EPB41L5: variants seen among roughly 807,000 people sequenced by gnomAD.
EPB41L5 encodes band 4.1-like protein 5.
Under a neutral mutation model 106.6 loss-of-function variants are expected in EPB41L5, and 55 were observed. That is an observed-to-expected ratio of 0.52 (90% CI 0.42 to 0.65). The LOEUF (loss-of-function observed/expected upper bound fraction) is 0.65. EPB41L5 is among the 30% of genes least tolerant of loss of function. The probability of loss-of-function intolerance (pLI) is 0.00; values close to 1 mark genes in which losing one functional copy is unlikely to be tolerated. For missense variants in EPB41L5, 871 were observed against 882.1 expected (o/e 0.99, Z 0.16); for synonymous variants, 297 against 306.7 (o/e 0.97, Z 0.33).
intron 21 of EPB41L5, among the ~76,000 whole-genome samples, chr2:120,163,338 T>C (rs1687223828): frequency 1.3e-5 from 2 of 149,934 alleles, no homozygotes; most frequent in Admixed American, 6.6e-5. Context: ...TAGGTTCCTA[T>C]TGTTTATTGC....
chr2:120,076,185 C>T (rs145773099), intron 7 of EPB41L5, among the ~76,000 whole-genome samples: 62 of 152,272 alleles, frequency 4.1e-4, no homozygotes, highest in African/African-American at 1.4e-3. Flanking sequence ...GCTGCTTTCT[C>T]CCCCCGATTT....
chr2:120,132,111 A>G (rs147489437), intron 18 of EPB41L5, among the ~76,000 whole-genome samples: 21 of 152,316 alleles, frequency 1.4e-4, no homozygotes, highest in Non-Finnish European at 2.4e-4. Context: ...AACTTCATCT[A>G]TCATTCCTTT....
chr2:120,094,868 ATTT>A (rs549976484), intron 14 of EPB41L5, among the ~76,000 whole-genome samples: 139 of 151,982 alleles, frequency 9.1e-4, no homozygotes, highest in South Asian at 1.7e-3. Flanking sequence ...TCAAAATTTT[ATTT>A]TTTTCTAATT....
In EPB41L5 at chr2:120,029,658, G is replaced by C. The variant is rs77808107; in HGVS notation, c.180+10394G>C. 2.8e-3 allele frequency among the ~76,000 whole-genome samples: 431 copies of C among 152,194 alleles called. 10 individuals are homozygous for C. The East Asian group carries it at 0.075, about 27-fold the overall frequency. ...CTAAATCCTAAATTTTTTGTGGACT[G>C]TAAGTCCCCAAACTAATGCTTTCAG... On this transcript the variant is annotated intron_variant, in intron 2 of 24. Transcript: ENST00000263713.
chr2:120,139,194 TAAATC>T (rs1187668024), intron 18 of EPB41L5, among the ~76,000 whole-genome samples: 12 of 152,032 alleles, frequency 7.9e-5, no homozygotes, highest in African/African-American at 2.2e-4. Context: ...ATTAAAGACT[TAAATC>T]TAAGGTCTCA....
At chr2:120,093,163 A>G (rs1683525316) in intron 13 of EPB41L5, 86 bp from the exon 14 acceptor site, 1 of 1,040,118 alleles carries the variant, frequency 9.6e-7, no homozygotes, top group Non-Finnish European at 1.5e-6. Flanking sequence ...CTTGTAAAGC[A>G]ATTAGTTAAA....
chr2:120,031,812 A>G (rs1478490648), intron 2 of EPB41L5, among the ~76,000 whole-genome samples: 1 of 152,116 alleles, frequency 6.6e-6, no homozygotes, highest in Non-Finnish European at 1.5e-5. Flanking sequence ...CAACACTGAT[A>G]TACTGATTCT....
chr2:120,070,787 GC>G (rs1228995464), intron 3 of EPB41L5, among the ~76,000 whole-genome samples: 3 of 152,038 alleles, frequency 2.0e-5, no homozygotes, highest in Non-Finnish European at 2.9e-5. Flanking sequence ...AAATTCAACA[GC>G]CCTTCATGTT....
chr2:120,063,867 G>A lies in EPB41L5; in HGVS notation c.286-9311G>A, dbSNP rs186772603. Among the ~76,000 whole-genome samples the A allele has an allele frequency of 1.2e-3, 179 of 152,166 alleles. 1 individual carries two copies. Among genetic ancestry groups the A allele is most frequent in the Middle Eastern group, 3.4e-3 (1 of 294 alleles). On this transcript the variant is annotated intron_variant, in intron 3 of 24. Transcript: ENST00000263713. ...TGAGGCAGGAGAATCGCTTGAACCC[G>A]GGAGGCGGAGGTTGCAGTGAGGCGA...
intron 3 of EPB41L5, among the ~76,000 whole-genome samples, chr2:120,052,655 T>C (rs1304437748): frequency 6.6e-6 from 1 of 152,242 alleles, no homozygotes; most frequent in Non-Finnish European, 1.5e-5. Flanking sequence ...TCTATGTTCA[T>C]TTGACATGGC....
intron 24 of EPB41L5, among the ~76,000 whole-genome samples, chr2:120,172,766 G>T (rs1478080257): frequency 6.6e-6 from 1 of 152,110 alleles, no homozygotes; most frequent in African/African-American, 2.4e-5. Context: ...GTTCCAAGAT[G>T]GTAGCTGCCC....
At chr2:120,101,814 G>C (rs1223759015) in intron 16 of EPB41L5, among the ~76,000 whole-genome samples, 2 of 152,084 alleles carry the variant, frequency 1.3e-5, no homozygotes, top group African/African-American at 4.8e-5. Flanking sequence ...CAAATAACTT[G>C]TGATTAGTTT....
chr2:120,041,139 A>C (rs1679378008), intron 2 of EPB41L5, among the ~76,000 whole-genome samples: 1 of 152,142 alleles, frequency 6.6e-6, no homozygotes, highest in South Asian at 2.1e-4. Flanking sequence ...AACGTAATAT[A>C]AAACATATTA....
chr2:120,065,309 A>T (rs1681370982), intron 3 of EPB41L5, among the ~76,000 whole-genome samples: 2 of 151,070 alleles, frequency 1.3e-5, no homozygotes, highest in African/African-American at 4.9e-5. Flanking sequence ...TTTTTTGGAG[A>T]CCGGTCTTAC....
At chr2:120,074,826 T>C (rs1682118005) in intron 5 of EPB41L5, among the ~76,000 whole-genome samples, 1 of 152,198 alleles carries the variant, frequency 6.6e-6, no homozygotes, top group Non-Finnish European at 1.5e-5. Flanking sequence ...TATATCCATG[T>C]CTGTATCCCT....
chr2:120,057,704 T>C (rs768178151), intron 3 of EPB41L5, among the ~76,000 whole-genome samples: 30 of 151,326 alleles, frequency 2.0e-4, no homozygotes, highest in Non-Finnish European at 3.8e-4. Flanking sequence ...CAGATATTTT[T>C]ATGGTAATAT....
At chr2:120,085,830 C>T (rs182781430) in intron 10 of EPB41L5, among the ~76,000 whole-genome samples, 74 of 152,244 alleles carry the variant, frequency 4.9e-4, no homozygotes, top group Admixed American at 4.6e-3. Flanking sequence ...CCTAAGAATG[C>T]TTTAGGCAGA....
intron 2 of EPB41L5, among the ~76,000 whole-genome samples, chr2:120,041,562 T>TA (rs1277158384): frequency 6.6e-6 from 1 of 152,214 alleles, no homozygotes; most frequent in Non-Finnish European, 1.5e-5. Context: ...CTTCATTGAT[T>TA]ATTCTAGTTT....
chr2:120,043,553 A>C (rs994301023), intron 3 of EPB41L5, among the ~76,000 whole-genome samples: 5 of 144,740 alleles, frequency 3.5e-5, no homozygotes, highest in Non-Finnish European at 6.1e-5. Context: ...TCTCAAAAAA[A>C]ACAAAAAGAT....
Sources: allele counts gnomAD v4.1 joint callset (sites outside exome capture counted in the v4.1 genomes callset), GRCh38; gene constraint gnomAD v4.1.1; transcripts MANE v1.5; gene names NCBI Gene and HGNC (gene_info 2026-07-23, HGNC 2026-07-21).